CEP70: variants seen among roughly 807,000 people sequenced by gnomAD.
CEP70 encodes centrosomal protein of 70 kDa.
In CEP70, 70 loss-of-function variants were observed where a neutral mutation model predicts 90.9. The ratio of observed to expected loss-of-function variants is 0.77; its 90% CI spans 0.64 to 0.94. The LOEUF is 0.94. CEP70 is among the 40% of genes least tolerant of loss of function. CEP70 has a pLI of 0.00. For missense variants in CEP70, 648 were observed against 669.0 expected, an observed-to-expected ratio of 0.97 and a Z score of 0.35; for synonymous variants, 220 against 228.3, an observed-to-expected ratio of 0.96 and a Z score of 0.33.
rs1576486605 is a variant in CEP70, at chr3:138,494,471, T to C, written c.*544A>G. 3 of 152,378 alleles carry C rather than the reference T, an allele frequency of 2.0e-5. No individual in the cohort carries two copies. The highest frequency in any genetic ancestry group is 7.2e-5 in the African/African-American group (3 of 41,586). The allele number at this position is 152,378 out of a possible 1,614,324, so 9.4% of individuals were successfully genotyped here. On this transcript the variant is annotated 3_prime_UTR_variant, in exon 18 of 18. Transcript: ENST00000264982. ...TCTACTCATCCATTTTACCCTATGA[T>C]TCATTTCCTACCCTAACAGAAATGA...
At chr3:138,503,341 G>C (rs1195157019) in intron 13 of CEP70, among the ~76,000 whole-genome samples, 1 of 152,130 alleles carries the variant, frequency 6.6e-6, no homozygotes, top group Non-Finnish European at 1.5e-5. Flanking sequence ...TGTTGCAAGG[G>C]TCAGAATTTC....
At chr3:138,554,104 G>A (rs758033669) in intron 6 of CEP70, among the ~76,000 whole-genome samples, 1 of 151,922 alleles carries the variant, frequency 6.6e-6, no homozygotes, top group African/African-American at 2.4e-5. Flanking sequence ...AGGAGACTGA[G>A]GCAGGAGAAT....
intron 11 of CEP70, among the ~76,000 whole-genome samples, chr3:138,517,510 C>A (rs539166172): frequency 6.6e-6 from 1 of 150,944 alleles, no homozygotes; most frequent in Non-Finnish European, 1.5e-5. Context: ...ACTAAAAATA[C>A]AAAAAAAAAT....
intron 11 of CEP70, among the ~76,000 whole-genome samples, chr3:138,510,579 C>G (rs1160816756): frequency 6.6e-6 from 1 of 152,146 alleles, no homozygotes; most frequent in East Asian, 1.9e-4. Context: ...TTTTACTATT[C>G]TATTTTACAA....
At position 138,505,455 on chromosome 3, in the gene CEP70, C is replaced by G. The variant is rs1344523944; in HGVS notation, c.1061G>C (p.Ser354Thr). ...TGGATTGTGGATAATTGAATTGATG[C>G]TACACAGCACCTTTAAAAAAACATA... ...IDQRYFQVLC[S>T]INSIIHNPRA... is the part of the protein sequence containing the mutation. The change falls in exon 13 of 18, where the codon AGC (serine) becomes ACC (threonine). Residue 354 changes from serine (S) to threonine (T), a missense_variant. By Grantham distance (58) the Ser-to-Thr change is moderately conservative (BLOSUM62 1). Coordinates refer to ENST00000264982, the MANE Select transcript of CEP70 (RefSeq NM_024491.4). 6.3e-7 allele frequency: 1 copy of G among 1,582,306 alleles called. No homozygotes were observed. The highest frequency in any genetic ancestry group is 2.3e-5 in the East Asian group (1 of 44,218).
intron 8 of CEP70, among the ~76,000 whole-genome samples, chr3:138,532,311 G>A (rs1445945098): frequency 6.6e-6 from 1 of 152,120 alleles, no homozygotes; most frequent in Non-Finnish European, 1.5e-5. Context: ...TGATAATTAA[G>A]TATACATAAT....
At chr3:138,553,414 A>G (rs1440185227) in intron 6 of CEP70, among the ~76,000 whole-genome samples, 1 of 151,828 alleles carries the variant, frequency 6.6e-6, no homozygotes, top group African/African-American at 2.4e-5. Flanking sequence ...CTGAAGGTGG[A>G]GCTTGCAGTG....
intron 6 of CEP70, among the ~76,000 whole-genome samples, chr3:138,557,119 A>T (rs898151677): frequency 2.0e-5 from 3 of 152,064 alleles, no homozygotes; most frequent in Non-Finnish European, 2.9e-5. Flanking sequence ...TTTCTCAGGG[A>T]TGTTCCTTGC....
At chr3:138,497,229 G>C in intron 17 of CEP70, 5 of 1,245,128 alleles carry the variant, frequency 4.0e-6, no homozygotes, top group Non-Finnish European at 5.1e-6. Context: ...ATTCTAATTA[G>C]ATACTTCTTT....
chr3:138,496,106 C>G, intron 17 of CEP70: 1 of 985,398 alleles, frequency 1.0e-6, no homozygotes, highest in Non-Finnish European at 1.2e-6. Flanking sequence ...TATCCAGATC[C>G]CAGCCCTACT....
chr3:138,572,899 T>A lies in CEP70; in HGVS notation c.29A>T (p.Asp10Val). 1 of 1,611,678 alleles carries A rather than the reference T, an allele frequency of 6.2e-7. No individual in the cohort carries two copies. Among genetic ancestry groups the A allele is most frequent in the South Asian group, 1.1e-5 (1 of 90,698 alleles). Residue 10 changes from aspartate (D) to valine (V), a missense_variant, in exon 3 of 18, where the codon GAT (aspartate) becomes GTT (valine). Coordinates refer to ENST00000264982, the MANE Select transcript of CEP70 (RefSeq NM_024491.4). MFPVAPKPQ[D>V]SSQPSDRLMT... ...GAGTCTGTCTGATGGTTGACTGGAATCCTGGGGTTTAGGGGCTACCGGAAA... is the reference window on the plus strand; with the variant it reads ...GAGTCTGTCTGATGGTTGACTGGAAACCTGGGGTTTAGGGGCTACCGGAAA...
At chr3:138,532,403 G>C (rs1576683735) in intron 8 of CEP70, 111 bp downstream of exon 8, 1 of 887,830 alleles carries the variant, frequency 1.1e-6, no homozygotes. Context: ...ACTTCACAGT[G>C]ACATATTAGG....
intron 2 of CEP70, among the ~76,000 whole-genome samples, chr3:138,589,057 T>C (rs1407410017): frequency 6.6e-6 from 1 of 152,108 alleles, no homozygotes; most frequent in Non-Finnish European, 1.5e-5. Flanking sequence ...GCTGAGAGAA[T>C]TGGAGGCTAG....
At chr3:138,507,474 T>C (rs2035091475) in intron 12 of CEP70, among the ~76,000 whole-genome samples, 1 of 152,188 alleles carries the variant, frequency 6.6e-6, no homozygotes, top group Admixed American at 6.5e-5. Context: ...AAAATTTTTT[T>C]AATGATAGGA....
In CEP70 at chr3:138,495,723, G is replaced by A. The variant is rs1350658624; in HGVS notation, c.1733-647C>T. 8.2e-5 allele frequency: 18 copies of A among 218,536 alleles called. 1 individual carries two copies. The Admixed American group carries it at 1.1e-3, about 13-fold the overall frequency. The allele number at this position is 218,536 out of a possible 1,614,324, so 13.5% of individuals were successfully genotyped here. On this transcript the variant is annotated intron_variant, in intron 17 of 17. Coordinates refer to ENST00000264982, the MANE Select transcript of CEP70 (RefSeq NM_024491.4). ...AAAAATTAGCTGGGTGTGGTAGTGG[G>A]CACCTGTAATCCCAGCTACTTGGGA...
chr3:138,497,888 T>C (rs1446445323), intron 17 of CEP70, 143 bp downstream of exon 17: 1 of 1,488,668 alleles, frequency 6.7e-7, no homozygotes, highest in Non-Finnish European at 8.9e-7. Flanking sequence ...CTCTAACTGC[T>C]TGTAAGGAAT....
intron 10 of CEP70, among the ~76,000 whole-genome samples, chr3:138,528,196 C>A (rs1056115743): frequency 6.6e-6 from 1 of 151,854 alleles, no homozygotes; most frequent in African/African-American, 2.4e-5. Context: ...AGCCACAGAC[C>A]ACCACACCCA....
chr3:138,529,988 G>C (rs1398191430), intron 8 of CEP70, among the ~76,000 whole-genome samples: 4 of 152,178 alleles, frequency 2.6e-5, no homozygotes, highest in Admixed American at 2.6e-4. Flanking sequence ...CAATCTCTCA[G>C]AATTTATTTT....
intron 17 of CEP70, chr3:138,497,820 G>A: frequency 1.0e-6 from 1 of 985,394 alleles, no homozygotes; most frequent in Non-Finnish European, 1.2e-6. Flanking sequence ...TCCAACAAAG[G>A]TAGTTCCTAT....
Sources: allele counts gnomAD v4.1 joint callset (sites outside exome capture counted in the v4.1 genomes callset), GRCh38; gene constraint gnomAD v4.1.1; transcripts MANE v1.5; gene names NCBI Gene and HGNC (gene_info 2026-07-23, HGNC 2026-07-21).